FAM120B: variants seen among roughly 807,000 people sequenced by gnomAD.
FAM120B encodes constitutive coactivator of peroxisome proliferator-activated receptor gamma.
FAM120B carries 83 observed loss-of-function variants against 96.3 expected under a neutral mutation model. That is an observed-to-expected ratio of 0.86 (90% CI 0.72 to 1.03). The LOEUF is 1.03. Among genes scored for constraint, FAM120B ranks in the 50% least tolerant of loss-of-function variants. The pLI, the probability that FAM120B is intolerant of heterozygous loss-of-function variation, is 0.00. For missense variants in FAM120B, 1,027 were observed against 1,121.2 expected (o/e 0.92, Z 1.20); for synonymous variants, 407 against 402.7 (o/e 1.01, Z -0.13).
intron 5 of FAM120B, among the ~76,000 whole-genome samples, chr6:170,350,125 T>A (rs1335870608): frequency 1.3e-5 from 2 of 152,174 alleles, no homozygotes; most frequent in Non-Finnish European, 2.9e-5. Context: ...GAGTTTTACA[T>A]ACTCCGGCTC....
rs1257992411 is a variant in FAM120B at position 170,370,276 on chromosome 6, A to G, written c.2283+11958A>G. 6.6e-6 allele frequency among the ~76,000 whole-genome samples: 1 copy of G among 152,180 alleles called. No individual in the cohort carries two copies. The highest frequency in any genetic ancestry group is 1.5e-5 in the Non-Finnish European group (1 of 68,034). ...CTTAGGGGGCCCTTGCTGCCCAGACAGTCCATGCAGACCTTTCTTTTCTGA... is the reference window on the plus strand; with the variant it reads ...CTTAGGGGGCCCTTGCTGCCCAGACGGTCCATGCAGACCTTTCTTTTCTGA... On this transcript the variant is annotated intron_variant, in intron 6 of 10. Coordinates refer to ENST00000476287, the MANE Select transcript of FAM120B (RefSeq NM_032448.3). The surrounding 1 kb of genome is among the most constrained non-coding windows in gnomAD (Gnocchi z 4.3).
chr6:170,325,106 T>C (rs1050065086), intron 3 of FAM120B, among the ~76,000 whole-genome samples: 7 of 152,234 alleles, frequency 4.6e-5, no homozygotes, highest in Non-Finnish European at 7.3e-5. Flanking sequence ...ACTCTGTTGT[T>C]AGGTGCATAT....
intron 9 of FAM120B, among the ~76,000 whole-genome samples, chr6:170,401,773 G>GT (rs1778595463): frequency 6.6e-6 from 1 of 152,214 alleles, no homozygotes; most frequent in Non-Finnish European, 1.5e-5. Context: ...CGGATATTCA[G>GT]ATTAGGGTTG....
chr6:170,311,135 G>A (rs772760747), intron 1 of FAM120B, among the ~76,000 whole-genome samples: 3 of 152,240 alleles, frequency 2.0e-5, no homozygotes, highest in Non-Finnish European at 4.4e-5. Context: ...GGTTCACGAT[G>A]GACCATCTGA....
At chr6:170,369,629 G>A (rs985295474) in intron 6 of FAM120B, among the ~76,000 whole-genome samples, 61 of 151,908 alleles carry the variant, frequency 4.0e-4, no homozygotes, top group Non-Finnish European at 6.9e-4. Flanking sequence ...GGCTGAACCC[G>A]CCACTGGATG....
intron 4 of FAM120B, among the ~76,000 whole-genome samples, chr6:170,344,516 G>A (rs1472133140): frequency 1.4e-5 from 2 of 145,672 alleles, no homozygotes; most frequent in African/African-American, 2.6e-5. Flanking sequence ...CACCTTGGAA[G>A]AACGGATGAA....
chr6:170,393,834 G>A (rs2115325853), intron 8 of FAM120B, among the ~76,000 whole-genome samples: 1 of 152,318 alleles, frequency 6.6e-6, no homozygotes, highest in African/African-American at 2.4e-5. Context: ...AAGGGCTGTA[G>A]GGACGTGGTA....
At chr6:170,375,958 T>C (rs1268808139) in intron 6 of FAM120B, among the ~76,000 whole-genome samples, 1 of 152,136 alleles carries the variant, frequency 6.6e-6, no homozygotes, top group Non-Finnish European at 1.5e-5. Context: ...CTGGGGTGTT[T>C]GGGAGCCACA....
At chr6:170,361,687 C>T (rs1005213374) in intron 6 of FAM120B, among the ~76,000 whole-genome samples, 2 of 152,100 alleles carry the variant, frequency 1.3e-5, no homozygotes, top group East Asian at 1.9e-4. Context: ...CATACCTGCT[C>T]GACTGAACTT....
intron 2 of FAM120B, among the ~76,000 whole-genome samples, chr6:170,320,389 G>A (rs78919804): frequency 0.017 from 2,560 of 152,266 alleles, 89 homozygotes; most frequent in African/African-American, 0.058. Context: ...ACATTACAGT[G>A]CAGTGAGTGG....
In FAM120B at chr6:170,404,367, T is replaced by A. The variant is rs1166800738; in HGVS notation, c.2693-183T>A. Reference sequence around the variant, plus strand: ...GAACCTCTTAATTAATTGCTTCCACTTTAATGGAATAATTATGGAACACAG... The same window carrying A: ...GAACCTCTTAATTAATTGCTTCCACATTAATGGAATAATTATGGAACACAG... On this transcript the variant is annotated intron_variant, in intron 9 of 10. Coordinates refer to ENST00000476287, the MANE Select transcript of FAM120B (RefSeq NM_032448.3). The A allele has an allele frequency of 2.6e-5, 14 of 528,724 alleles. No homozygotes were observed. In the East Asian group the frequency reaches 4.3e-4, roughly 16 times the overall value. 32.8% of individuals were successfully genotyped at this position (528,724 alleles called of 1,614,324 possible). A position where few individuals can be genotyped will look rare whatever the true frequency, so the allele number is the denominator to read the frequency against.
At chr6:170,393,502 A>G (rs546176699) in intron 8 of FAM120B, among the ~76,000 whole-genome samples, 13 of 152,356 alleles carry the variant, frequency 8.5e-5, no homozygotes, top group Admixed American at 8.5e-4. Flanking sequence ...ATATTATTCC[A>G]AGTTAATGAG....
chr6:170,325,839 G>A (rs1216694318), intron 3 of FAM120B, among the ~76,000 whole-genome samples: 3 of 135,730 alleles, frequency 2.2e-5, no homozygotes, highest in South Asian at 2.5e-4. Flanking sequence ...GGACAAGAGC[G>A]AGACTTCATC....
In FAM120B at chr6:170,405,727, C is replaced by G. The variant is rs1778781346; in HGVS notation, c.*976C>G. 1 of 152,224 alleles carries G rather than the reference C, an allele frequency of 6.6e-6. No homozygotes were observed. Among genetic ancestry groups the G allele is most frequent in the Non-Finnish European group, 1.5e-5 (1 of 68,050 alleles). 9.4% of individuals were successfully genotyped at this position (152,224 alleles called of 1,614,324 possible). A position where few individuals can be genotyped will look rare whatever the true frequency, so the allele number is the denominator to read the frequency against. On this transcript the variant is annotated 3_prime_UTR_variant, in exon 11 of 11. Transcript: ENST00000476287. Reference sequence around the variant, plus strand: ...CATCTTTCTGGTGGAAGAGTTAATTCTGCCTGGAGGGTTCTGCCTGGGAGA... The same window carrying G: ...CATCTTTCTGGTGGAAGAGTTAATTGTGCCTGGAGGGTTCTGCCTGGGAGA...
intron 6 of FAM120B, among the ~76,000 whole-genome samples, chr6:170,378,383 A>G (rs184569419): frequency 6.6e-6 from 1 of 152,252 alleles, no homozygotes; most frequent in East Asian, 1.9e-4. Flanking sequence ...ACACCCTGCC[A>G]CCCGCTAGAA....
At position 170,358,284 on chromosome 6, in the gene FAM120B, A is replaced by G. The variant is rs1231255499; in HGVS notation, c.2249A>G (p.Gln750Arg). 3 of 1,607,162 alleles carry G rather than the reference A, an allele frequency of 1.9e-6. No individual in the cohort carries two copies. Among genetic ancestry groups the G allele is most frequent in the Non-Finnish European group, 2.6e-6 (3 of 1,175,686 alleles). The change falls in exon 6 of 11, where the codon CAA becomes CGA. Residue 750 changes from glutamine (Q) to arginine (R), a missense_variant. Transcript: ENST00000476287. ...TTTATTGCGCAGGCCTTGTGCCTCC[A>G]AGGAAAATCCACCTCGCAGCTTGTA... is the stretch of plus-strand genomic sequence containing the variant. ...HAFIAQALCL[Q>R]GKSTSQLVNL...
intron 2 of FAM120B, among the ~76,000 whole-genome samples, chr6:170,321,931 T>C (rs2064533): frequency 1 from 151,919 of 152,362 alleles, 75,739 homozygotes; most frequent in Middle Eastern, 1. Context: ...TTCAGAGTTT[T>C]TGGTATCCAG....
intron 4 of FAM120B, among the ~76,000 whole-genome samples, chr6:170,334,463 G>A (rs558367353): frequency 1.8e-4 from 28 of 152,222 alleles, no homozygotes; most frequent in African/African-American, 6.7e-4. Flanking sequence ...ACTGTTGAAG[G>A]TTTTCATCTG....
rs1389627685 is a variant in FAM120B, at chr6:170,318,923, T to A, written c.1533T>A (p.Cys511Ter). The part of the protein sequence containing the change: ...GHESKQEVPI[C>*]TDPISKQEDS... The stretch of plus-strand genomic sequence containing the variant: ...AATCCAAACAGGAAGTTCCCATATG[T>A]ACAGATCCTATATCCAAGCAAGAAG... The change falls in exon 2 of 11, where the codon TGT (cysteine) becomes TGA (stop). Residue 511 changes from cysteine (C) to a stop codon, truncating the protein, a stop_gained. Coordinates refer to ENST00000476287, the MANE Select transcript of FAM120B (RefSeq NM_032448.3). LOFTEE classifies it high-confidence loss of function. The A allele has an allele frequency of 6.2e-7, 1 of 1,614,062 alleles. No individual in the cohort carries two copies. Among genetic ancestry groups the A allele is most frequent in the Non-Finnish European group, 8.5e-7 (1 of 1,180,022 alleles).
Sources: allele counts gnomAD v4.1 joint callset (sites outside exome capture counted in the v4.1 genomes callset), GRCh38; gene constraint gnomAD v4.1.1; non-coding constraint Gnocchi (gnomAD v3.1); transcripts MANE v1.5; gene names NCBI Gene and HGNC (gene_info 2026-07-23, HGNC 2026-07-21).